The following PBX3 variants were observed in gnomAD, a reference collection of about 807,000 sequenced individuals.
PBX3 encodes the protein pre-B-cell leukemia transcription factor 3.
Under a neutral mutation model 48.5 loss-of-function variants are expected in PBX3, and 14 were observed. The ratio of observed to expected loss-of-function variants is 0.29; its 90% CI spans 0.19 to 0.45. The LOEUF (loss-of-function observed/expected upper bound fraction) is 0.45, where lower values mean the gene tolerates loss of function less well. Among genes scored for constraint, PBX3 ranks in the 20% least tolerant of loss-of-function variants. The probability of loss-of-function intolerance (pLI) is 1.00; values close to 1 mark genes in which losing one functional copy is unlikely to be tolerated. For synonymous variants in PBX3, 210 were observed against 200.3 expected (o/e 1.05, Z -0.41); for missense variants, 386 against 546.7 (o/e 0.71, Z 2.93).
chr9:125,786,755 C>A (rs112434946), intron 2 of PBX3, among the ~76,000 whole-genome samples: 3,887 of 148,264 alleles, frequency 0.026, 67 homozygotes, highest in Middle Eastern at 0.052. Flanking sequence ...GATGGAGTTT[C>A]GCTCTGTCAC....
At chr9:125,855,528 A>G (rs560769895) in intron 2 of PBX3, among the ~76,000 whole-genome samples, 1 of 152,150 alleles carries the variant, frequency 6.6e-6, no homozygotes, top group East Asian at 1.9e-4. Context: ...TTTTCTTTTT[A>G]AAAAAATTCC....
chr9:125,821,049 T>C (rs1319173865), intron 2 of PBX3, among the ~76,000 whole-genome samples: 1 of 152,154 alleles, frequency 6.6e-6, no homozygotes, highest in Non-Finnish European at 1.5e-5. Context: ...ATATTGAAAA[T>C]AGTGGGTTAA....
rs558281700 is a variant in PBX3 at position 125,791,706 on chromosome 9, C to T, written c.274+43083C>T. Among the ~76,000 whole-genome samples the T allele has an allele frequency of 1.7e-3, 265 of 151,934 alleles. 1 individual carries two copies. Among genetic ancestry groups the T allele is most frequent in the Middle Eastern group, 3.4e-3 (1 of 294 alleles). ...ATCCCAGCACTTTGGGAGGCCAAGGCGGGAGGATCACAAGGTCAGGAGTTC... is the reference window on the plus strand; with the variant it reads ...ATCCCAGCACTTTGGGAGGCCAAGGTGGGAGGATCACAAGGTCAGGAGTTC... On this transcript the variant is annotated intron_variant, in intron 2 of 8. Coordinates refer to ENST00000373489, the MANE Select transcript of PBX3 (RefSeq NM_006195.6).
At chr9:125,789,923 A>G (rs1050569079) in intron 2 of PBX3, among the ~76,000 whole-genome samples, 4 of 152,188 alleles carry the variant, frequency 2.6e-5, no homozygotes, top group African/African-American at 9.7e-5. Flanking sequence ...TACTTAGAGC[A>G]TTCAGGATTG....
rs58796485 is a variant in PBX3, at chr9:125,860,884, CAAAAA to C, written c.275-54785_275-54781del. ...CCTGGGTGACAGAATAAGACTCTGTCAAAAAAAAAAAAAAAAAAAAAGATATTCAA... is the reference window on the plus strand; with the variant it reads ...CCTGGGTGACAGAATAAGACTCTGTCAAAAAAAAAAAAAAAAGATATTCAA... On this transcript the variant is annotated intron_variant, in intron 2 of 8. Coordinates refer to ENST00000373489, the MANE Select transcript of PBX3 (RefSeq NM_006195.6). Among the ~76,000 whole-genome samples, 160 of 99,110 alleles carry C rather than the reference CAAAAA, an allele frequency of 1.6e-3. 1 individual carries two copies. The highest frequency in any genetic ancestry group is 5.4e-3 in the African/African-American group (137 of 25,536). 65.0% of individuals were successfully genotyped at this position (99,110 alleles called of 152,430 possible).
chr9:125,828,108 T>C (rs1838859079), intron 2 of PBX3, among the ~76,000 whole-genome samples: 1 of 152,170 alleles, frequency 6.6e-6, no homozygotes, highest in African/African-American at 2.4e-5. Flanking sequence ...TTAGGAGTAC[T>C]AGTTTGCTGT....
At chr9:125,754,471 T>C (rs972159422) in intron 2 of PBX3, among the ~76,000 whole-genome samples, 25 of 152,116 alleles carry the variant, frequency 1.6e-4, no homozygotes, top group African/African-American at 6.0e-4. Context: ...TACAAAGTTA[T>C]TGAAGTTAAT....
chr9:125,832,507 G>T (rs565852580), intron 2 of PBX3, among the ~76,000 whole-genome samples: 1 of 152,204 alleles, frequency 6.6e-6, no homozygotes, highest in African/African-American at 2.4e-5. Flanking sequence ...ATGGTTTTCA[G>T]ATAACAATTG....
intron 2 of PBX3, among the ~76,000 whole-genome samples, chr9:125,778,605 C>CTT (rs138965100): frequency 0.52 from 69,277 of 132,478 alleles, 19,332 homozygotes; most frequent in South Asian, 0.65. Context: ...TTGATCTTTT[C>CTT]TTTTTTTTTT....
intron 2 of PBX3, among the ~76,000 whole-genome samples, chr9:125,873,061 C>T (rs897128735): frequency 2.6e-5 from 4 of 151,328 alleles, no homozygotes; most frequent in East Asian, 3.9e-4. Flanking sequence ...ATTAGCCAGG[C>T]GTGGTGGCAG....
intron 2 of PBX3, among the ~76,000 whole-genome samples, chr9:125,853,563 AATTG>A (rs1259930209): frequency 6.6e-6 from 1 of 152,206 alleles, no homozygotes; most frequent in Non-Finnish European, 1.5e-5. Context: ...GCCCCCTAAC[AATTG>A]AGACTTTTGG....
chr9:125,843,605 A>G (rs919801799), intron 2 of PBX3: 22 of 233,558 alleles, frequency 9.4e-5, no homozygotes, highest in Admixed American at 2.6e-4. Context: ...AAAAGGTTTT[A>G]ATGGCCGGTG....
In PBX3 at chr9:125,858,622, A is replaced by ATTTTTTTTTTTTTTT. The variant is rs36077474; in HGVS notation, c.275-57059_275-57045dup. Among the ~76,000 whole-genome samples, 2 of 117,802 alleles carry ATTTTTTTTTTTTTTT rather than the reference A, an allele frequency of 1.7e-5. 1 individual carries two copies. The allele number at this position is 117,802 out of a possible 152,430, so 77.3% of individuals were successfully genotyped here. A position where few individuals can be genotyped will look rare whatever the true frequency, so the allele number is the denominator to read the frequency against. ...CCCTACTTTTGAAAGACTTTGGTCC[A>ATTTTTTTTTTTTTTT]TTTTTTTTTTTTTTTTTTTCAAGAT... On this transcript the variant is annotated intron_variant, in intron 2 of 8. Transcript: ENST00000373489.
At chr9:125,779,128 T>C (rs1837163147) in intron 2 of PBX3, among the ~76,000 whole-genome samples, 1 of 142,624 alleles carries the variant, frequency 7.0e-6, no homozygotes, top group Admixed American at 7.1e-5. Flanking sequence ...TCTCTATAAA[T>C]TTGCCTAGTT....
rs1842547977 is a variant in PBX3, at chr9:125,967,032, CTG to C, written c.*1111_*1112del. The stretch of plus-strand genomic sequence containing the variant: ...TTAATTCAACACAGGATCGGTAAAA[CTG>C]TTGTAAATACTGAGAAACATTTTGA... On this transcript the variant is annotated 3_prime_UTR_variant, in exon 9 of 9. Coordinates refer to ENST00000373489, the MANE Select transcript of PBX3 (RefSeq NM_006195.6). 6.6e-6 allele frequency: 1 copy of C among 151,170 alleles called. No homozygotes were observed. Among genetic ancestry groups the C allele is most frequent in the African/African-American group, 2.4e-5 (1 of 40,836 alleles). The allele number at this position is 151,170 out of a possible 1,614,324, so 9.4% of individuals were successfully genotyped here.
chr9:125,899,279 GTATA>G (rs1358400027), intron 2 of PBX3, among the ~76,000 whole-genome samples: 1 of 29,972 alleles, frequency 3.3e-5, no homozygotes, highest in Non-Finnish European at 1.1e-4. Context: ...ATATACATAT[GTATA>G]TATATTTATA....
At chr9:125,870,193 C>T (rs1840086749) in intron 2 of PBX3, among the ~76,000 whole-genome samples, 1 of 151,978 alleles carries the variant, frequency 6.6e-6, no homozygotes, top group Non-Finnish European at 1.5e-5. Flanking sequence ...CTCAGCCTTC[C>T]AAGTAGCTGG....
intron 2 of PBX3, among the ~76,000 whole-genome samples, chr9:125,869,576 A>G (rs963511622): frequency 5.9e-5 from 9 of 152,216 alleles, no homozygotes; most frequent in Admixed American, 5.9e-4. Context: ...CAGGAGCAAT[A>G]TGAGCTAGAA....
At chr9:125,793,361 A>AG (rs1564657924) in intron 2 of PBX3, among the ~76,000 whole-genome samples, 2 of 89,568 alleles carry the variant, frequency 2.2e-5, no homozygotes, top group Admixed American at 2.7e-4. Context: ...GGGGGGGAAA[A>AG]AAAAAATATA....
Sources: gnomAD v4.1 joint callset for allele counts (sites outside exome capture counted in the v4.1 genomes callset) on GRCh38, gnomAD v4.1.1 for gene constraint, MANE v1.5 for transcripts, NCBI Gene and HGNC (gene_info 2026-07-23, HGNC 2026-07-21) for gene names.